FAT3: variants seen among roughly 807,000 people sequenced by gnomAD.
FAT3 encodes protocadherin Fat 3.
FAT3 carries 95 observed loss-of-function variants against 310.2 expected under a neutral mutation model. That is an observed-to-expected ratio of 0.31 (90% CI 0.26 to 0.36). The LOEUF (loss-of-function observed/expected upper bound fraction) is 0.36, where lower values mean the gene tolerates loss of function less well. Among genes scored for constraint, FAT3 ranks in the 10% least tolerant of loss-of-function variants. The pLI, the probability that FAT3 is intolerant of heterozygous loss-of-function variation, is 1.00. For synonymous variants in FAT3, 2,314 were observed against 2,192.9 expected, an observed-to-expected ratio of 1.06 and a Z score of -1.54; for missense variants, 5,408 against 5,715.6, an observed-to-expected ratio of 0.95 and a Z score of 1.74.
intron 2 of FAT3, among the ~76,000 whole-genome samples, chr11:92,466,316 A>T (rs1298112257): frequency 6.6e-6 from 1 of 152,178 alleles, no homozygotes; most frequent in Non-Finnish European, 1.5e-5. Context: ...TACTATTAAC[A>T]ATCTCAAATA....
At position 92,800,150 on chromosome 11, in the gene FAT3, C is replaced by T. The variant is rs980234693; in HGVS notation, c.7137C>T (p.Leu2379=). Residue 2379 remains leucine (L), a synonymous_variant, in exon 10 of 28, where the codon CTC becomes CTT. Transcript: ENST00000525166. The part of the protein sequence containing the change: ...SGFPSLSSEV[L]VHIYISDVND... Reference sequence around the variant, plus strand: ...TCCCATCACTGAGCAGTGAGGTTCTCGTTCATATCTACATCTCTGATGTAA... The same window carrying T: ...TCCCATCACTGAGCAGTGAGGTTCTTGTTCATATCTACATCTCTGATGTAA... 16 of 1,613,816 alleles carry T rather than the reference C, an allele frequency of 9.9e-6. No individual in the cohort carries two copies. The African/African-American group carries it at 1.1e-4, about 11-fold the overall frequency.
chr11:92,803,905 A>G (rs777323344), intron 10 of FAT3, among the ~76,000 whole-genome samples: 5 of 151,858 alleles, frequency 3.3e-5, no homozygotes, highest in Non-Finnish European at 7.4e-5. Context: ...GCTTGCCCCC[A>G]CTCCCAGTGC....
intron 2 of FAT3, among the ~76,000 whole-genome samples, chr11:92,426,296 A>T (rs148326346): frequency 1.4e-3 from 211 of 152,096 alleles, no homozygotes; most frequent in African/African-American, 4.8e-3. Context: ...TGTCAGATGG[A>T]TAGATTGCAA....
At position 92,798,778 on chromosome 11, in the gene FAT3, T is replaced by A. The variant is rs1367462989; in HGVS notation, c.5765T>A (p.Leu1922Gln). ...GTACCCCCTGAACTGACATACAGCCTAATGGAAGGCAGTTTGGATCATTTT... is the reference window on the plus strand; with the variant it reads ...GTACCCCCTGAACTGACATACAGCCAAATGGAAGGCAGTTTGGATCATTTT... ...SEVPPELTYS[L>Q]MEGSLDHFLI... Residue 1922 changes from leucine (L) to glutamine (Q), a missense_variant, in exon 10 of 28, where the codon CTA becomes CAA. Leu to Gln is a moderately radical substitution (Grantham distance 113). This residue lies in a region of FAT3 where 4,588 missense variants were observed against 4,809.8 expected (regional missense o/e 0.95). Transcript: ENST00000525166. 6.2e-7 allele frequency: 1 copy of A among 1,613,838 alleles called. No homozygotes were observed. The highest frequency in any genetic ancestry group is 2.2e-5 in the East Asian group (1 of 44,818).
rs536470326 is a variant in FAT3, at chr11:92,533,507, G to A, written c.3607+8559G>A. Among the ~76,000 whole-genome samples, 21 of 152,270 alleles carry A rather than the reference G, an allele frequency of 1.4e-4. 1 individual carries two copies. In the South Asian group the frequency reaches 2.1e-3, roughly 15 times the overall value. Reference sequence around the variant, plus strand: ...TTATGAGAAGCAGATTTGGATCTTCGAGTTAACAGGATTGTTACTTGGAAA... The same window carrying A: ...TTATGAGAAGCAGATTTGGATCTTCAAGTTAACAGGATTGTTACTTGGAAA... On this transcript the variant is annotated intron_variant, in intron 3 of 27. Coordinates refer to ENST00000525166, the MANE Select transcript of FAT3 (RefSeq NM_001367949.2).
intron 3 of FAT3, among the ~76,000 whole-genome samples, chr11:92,679,956 G>C (rs186990435): frequency 4.8e-4 from 72 of 151,014 alleles, no homozygotes; most frequent in Non-Finnish European, 9.4e-4. Context: ...AGTTTTAATG[G>C]GATTTTTTTG....
At chr11:92,309,384 GCACACACACACACACACACACA>G (rs59596533) in intron 1 of FAT3, among the ~76,000 whole-genome samples, 1 of 145,002 alleles carries the variant, frequency 6.9e-6, no homozygotes, top group African/African-American at 2.5e-5. Context: ...ACACACGCAT[GCACACACACACACACACACACA>G]CACACACACA....
chr11:92,830,501 C>T (rs1467910343), intron 13 of FAT3, among the ~76,000 whole-genome samples: 1 of 152,068 alleles, frequency 6.6e-6, no homozygotes, highest in Non-Finnish European at 1.5e-5. Flanking sequence ...TTTTTTCCCT[C>T]TATAATCCCT....
At chr11:92,407,226 T>A (rs951421362) in intron 2 of FAT3, among the ~76,000 whole-genome samples, 21 of 152,282 alleles carry the variant, frequency 1.4e-4, no homozygotes, top group African/African-American at 5.1e-4. Context: ...AGATTGACTT[T>A]GAACAGTTAC....
intron 2 of FAT3, among the ~76,000 whole-genome samples, chr11:92,379,497 C>G (rs1949437156): frequency 6.6e-6 from 1 of 152,150 alleles, no homozygotes; most frequent in Admixed American, 6.6e-5. Flanking sequence ...TAAGGTAAGC[C>G]AGACCAAAGC....
intron 3 of FAT3, among the ~76,000 whole-genome samples, chr11:92,692,134 G>C (rs1228620563): frequency 6.6e-6 from 1 of 151,986 alleles, no homozygotes; most frequent in African/African-American, 2.4e-5. Flanking sequence ...TTTTTAAAAG[G>C]CTATCAGGAA....
Position 92,510,629 on chromosome 11 carries a change from G to C in FAT3, c.3293-14005G>C, listed in dbSNP as rs894964908. On this transcript the variant is annotated intron_variant, in intron 2 of 27. Transcript: ENST00000525166. ...CAAGTATGTGTTTTCTGAACCTACA[G>C]AACATCATGGCCAAGGAGGCTTTTG... 4.6e-5 allele frequency among the ~76,000 whole-genome samples: 7 copies of C among 152,304 alleles called. No individual in the cohort carries two copies. The South Asian group carries it at 1.2e-3, about 27-fold the overall frequency.
At chr11:92,770,573 C>T (rs762101249) in intron 6 of FAT3, among the ~76,000 whole-genome samples, 3 of 152,118 alleles carry the variant, frequency 2.0e-5, no homozygotes, top group Admixed American at 6.5e-5. Flanking sequence ...CATTGAGGTT[C>T]GGCAGCTCCG....
intron 20 of FAT3, 23 bp from the exon 21 acceptor site, chr11:92,859,142 T>C: frequency 1.2e-6 from 2 of 1,606,390 alleles, no homozygotes; most frequent in Non-Finnish European, 1.7e-6. Context: ...AATATATATG[T>C]CTTCTCATAA....
intron 2 of FAT3, 110 bp from the exon 3 acceptor site, chr11:92,524,524 G>T: frequency 1.1e-6 from 1 of 939,736 alleles, no homozygotes; most frequent in Non-Finnish European, 1.6e-6. Flanking sequence ...TATGGATTTG[G>T]GTGTTTTTCA....
chr11:92,869,016 A>C (rs10741449), intron 22 of FAT3, among the ~76,000 whole-genome samples: 124,905 of 152,166 alleles, frequency 0.82, 51,471 homozygotes, highest in South Asian at 0.9. Flanking sequence ...CACACTCTCC[A>C]ATCTACCTCT....
At chr11:92,694,812 C>CT (rs1313911396) in intron 3 of FAT3, among the ~76,000 whole-genome samples, 1 of 152,114 alleles carries the variant, frequency 6.6e-6, no homozygotes, top group African/African-American at 2.4e-5. Context: ...ATTGTGGACT[C>CT]TAATAGAGGA....
chr11:92,236,412 C>T (rs887599001), intron 1 of FAT3, among the ~76,000 whole-genome samples: 2 of 152,000 alleles, frequency 1.3e-5, no homozygotes, highest in East Asian at 3.9e-4. Flanking sequence ...AATTACACTG[C>T]ACTATATTCA....
chr11:92,722,215 C>T lies in FAT3; in HGVS notation c.3669+24770C>T, dbSNP rs1376555823. ...ACTTTCTAGATATAATGGCAGTATA[C>T]CCATTGGGTAAATACAGCCATTCCA... On this transcript the variant is annotated intron_variant, in intron 4 of 27. Transcript: ENST00000525166. Among the ~76,000 whole-genome samples the T allele has an allele frequency of 8.0e-3, 1,224 of 152,266 alleles. 25 individuals are homozygous for T. Among genetic ancestry groups the T allele is most frequent in the African/African-American group, 0.028 (1,165 of 41,542 alleles).
Sources: gnomAD v4.1 joint callset for allele counts (sites outside exome capture counted in the v4.1 genomes callset) on GRCh38, gnomAD v4.1.1 for gene constraint, gnomAD v4.1.1 regional missense constraint, MANE v1.5 for transcripts, NCBI Gene and HGNC (gene_info 2026-07-23, HGNC 2026-07-21) for gene names.